TLCD4: variants seen among roughly 807,000 people sequenced by gnomAD.
TLCD4 encodes the protein TLC domain containing 4.
TLCD4 carries 7 observed loss-of-function variants against 24.2 expected under a neutral mutation model. That is an observed-to-expected ratio of 0.29 (90% confidence interval 0.16 to 0.54). The LOEUF is 0.54. Ranked by LOEUF, TLCD4 falls within the 20% of genes least tolerant of loss-of-function variation. TLCD4 has a pLI of 0.95. For missense variants in TLCD4, 259 were observed against 313.9 expected, an observed-to-expected ratio of 0.82 and a Z score of 1.32; for synonymous variants, 103 against 106.4, an observed-to-expected ratio of 0.97 and a Z score of 0.20.
At chr1:95,190,736 T>C (rs184016050) in intron 6 of TLCD4, among the ~76,000 whole-genome samples, 77 of 152,322 alleles carry the variant, frequency 5.1e-4, no homozygotes, top group African/African-American at 1.6e-3. Context: ...CTAATGACAA[T>C]AGTGAACATC....
the TLCD4 span, among the ~76,000 whole-genome samples, chr1:95,096,239 A>C: frequency 3.3e-5 from 5 of 152,260 alleles, no homozygotes; most frequent in East Asian, 9.6e-4. Flanking sequence ...AGAGCAGGAC[A>C]GAAGGTCCAC....
chr1:95,105,529 A>G, the TLCD4 span, among the ~76,000 whole-genome samples: 1 of 152,204 alleles, frequency 6.6e-6, no homozygotes, highest in Admixed American at 6.5e-5. Context: ...TGAATATATT[A>G]CTTCATTTGT....
intron 1 of TLCD4, among the ~76,000 whole-genome samples, chr1:95,123,497 T>C (rs1444955902): frequency 6.6e-6 from 1 of 152,202 alleles, no homozygotes; most frequent in Non-Finnish European, 1.5e-5. Context: ...AGTGTTTTTT[T>C]AAATTGCAAA....
intron 6 of TLCD4, among the ~76,000 whole-genome samples, chr1:95,187,216 C>T (rs1557699373): frequency 6.6e-6 from 1 of 152,210 alleles, no homozygotes; most frequent in Non-Finnish European, 1.5e-5. Context: ...TTGTTAGCGT[C>T]ATAGATCAGT....
chr1:95,108,541 A>G, the TLCD4 span, among the ~76,000 whole-genome samples: 1 of 152,030 alleles, frequency 6.6e-6, no homozygotes, highest in Non-Finnish European at 1.5e-5. Context: ...CCAGGCTGGT[A>G]TCAAACTCCT....
At chr1:95,124,152 G>A (rs1318180045) in intron 1 of TLCD4, among the ~76,000 whole-genome samples, 1 of 151,972 alleles carries the variant, frequency 6.6e-6, no homozygotes, top group African/African-American at 2.4e-5. Flanking sequence ...ACAGGATTTG[G>A]GATTTTTTAC....
intron 1 of TLCD4, among the ~76,000 whole-genome samples, chr1:95,143,201 T>G (rs1677253108): frequency 6.6e-6 from 1 of 151,956 alleles, no homozygotes; most frequent in Non-Finnish European, 1.5e-5. Flanking sequence ...TAACCTCCAG[T>G]TATTTTGTTA....
At chr1:95,146,136 T>C (rs954776268) in intron 2 of TLCD4, among the ~76,000 whole-genome samples, 2 of 151,820 alleles carry the variant, frequency 1.3e-5, no homozygotes, top group African/African-American at 4.8e-5. Flanking sequence ...TAAACATGAG[T>C]TGAGAGTGGT....
the TLCD4 span, among the ~76,000 whole-genome samples, chr1:95,109,911 GCATA>G: frequency 2.1e-5 from 1 of 47,352 alleles, no homozygotes; most frequent in African/African-American, 8.5e-5. Context: ...ATGTGTGTAT[GCATA>G]TATATATATA....
rs1297027187 is a variant in TLCD4, at chr1:95,195,815, C to T, written c.*3947C>T. On this transcript the variant is annotated 3_prime_UTR_variant, in exon 7 of 7. Coordinates refer to ENST00000370203, the MANE Select transcript of TLCD4 (RefSeq NM_152487.3). Reference sequence around the variant, plus strand: ...ATTGAGAGTGCTTTTCCCTTAAACGCCGTGATAGTCCTCCCTTGATCTAGA... The same window carrying T: ...ATTGAGAGTGCTTTTCCCTTAAACGTCGTGATAGTCCTCCCTTGATCTAGA... 2 of 152,148 alleles carry T rather than the reference C, an allele frequency of 1.3e-5. No individual in the cohort carries two copies. The highest frequency in any genetic ancestry group is 3.9e-4 in the East Asian group (2 of 5,192). 9.4% of individuals were successfully genotyped at this position (152,148 alleles called of 1,614,324 possible).
the TLCD4 span, among the ~76,000 whole-genome samples, chr1:95,099,869 C>T: frequency 2.6e-5 from 4 of 151,806 alleles, no homozygotes; most frequent in Non-Finnish European, 4.4e-5. Context: ...CGGTGGCTCA[C>T]GTCTATAATC....
At chr1:95,145,772 GATGAAA>G (rs1265850362) in intron 2 of TLCD4, among the ~76,000 whole-genome samples, 1 of 152,144 alleles carries the variant, frequency 6.6e-6, no homozygotes, top group African/African-American at 2.4e-5. Flanking sequence ...TGGAAGCCAA[GATGAAA>G]ATGAAATGAA....
At chr1:95,133,244 G>A (rs1676945723) in intron 1 of TLCD4, among the ~76,000 whole-genome samples, 1 of 152,088 alleles carries the variant, frequency 6.6e-6, no homozygotes, top group Admixed American at 6.6e-5. Flanking sequence ...TGGGGTGGGG[G>A]GACGGAGGAG....
At chr1:95,186,331 C>T (rs149336725) in intron 6 of TLCD4, among the ~76,000 whole-genome samples, 159 of 152,344 alleles carry the variant, frequency 1.0e-3, no homozygotes, top group African/African-American at 3.8e-3. Flanking sequence ...TCACGTCATT[C>T]TGTATTGCCT....
chr1:95,106,427 G>A, the TLCD4 span, among the ~76,000 whole-genome samples: 3 of 152,188 alleles, frequency 2.0e-5, no homozygotes, highest in African/African-American at 7.2e-5. Flanking sequence ...AGGGCCAGGT[G>A]TGGTGGCTCA....
the TLCD4 span, among the ~76,000 whole-genome samples, chr1:95,103,273 C>T: frequency 6.6e-6 from 1 of 152,310 alleles, no homozygotes; most frequent in Admixed American, 6.5e-5. Flanking sequence ...GCCACTGAAC[C>T]TGGCCAGAAG....
Position 95,195,662 on chromosome 1 carries a change from A to T in TLCD4, c.*3794A>T, listed in dbSNP as rs567662484. Reference sequence around the variant, plus strand: ...CCTTCATGTGTCTCTGGATGCACATATATCTTCCCAACCTTAAACACAGCT... The same window carrying T: ...CCTTCATGTGTCTCTGGATGCACATTTATCTTCCCAACCTTAAACACAGCT... On this transcript the variant is annotated 3_prime_UTR_variant, in exon 7 of 7. Transcript: ENST00000370203. 1 of 152,298 alleles carries T rather than the reference A, an allele frequency of 6.6e-6. No homozygotes were observed. Among genetic ancestry groups the T allele is most frequent in the East Asian group, 1.9e-4 (1 of 5,186 alleles). The allele number at this position is 152,298 out of a possible 1,614,324, so 9.4% of individuals were successfully genotyped here.
upstream of TLCD4, among the ~76,000 whole-genome samples, chr1:95,114,350 T>G (rs918372836): frequency 6.6e-6 from 1 of 152,256 alleles, no homozygotes; most frequent in African/African-American, 2.4e-5. Context: ...TCAAAATGTT[T>G]GGCGTCATTT....
At chr1:95,123,979 A>G (rs1676642426) in intron 1 of TLCD4, among the ~76,000 whole-genome samples, 1 of 152,172 alleles carries the variant, frequency 6.6e-6, no homozygotes, top group Non-Finnish European at 1.5e-5. Context: ...TAATTCCCCA[A>G]ATATTCACTC....
Sources: gnomAD v4.1 joint callset for allele counts (sites outside exome capture counted in the v4.1 genomes callset) on GRCh38, gnomAD v4.1.1 for gene constraint, MANE v1.5 for transcripts, NCBI Gene and HGNC (gene_info 2026-07-23, HGNC 2026-07-21) for gene names.